The following ENPP1 variants were observed in gnomAD, a reference collection of about 807,000 sequenced individuals.
ENPP1 encodes the protein ectonucleotide pyrophosphatase/phosphodiesterase 1.
ENPP1 carries 73 observed loss-of-function variants against 122.8 expected under a neutral mutation model. The observed-to-expected ratio is 0.59, with a 90% CI of 0.49 to 0.72. The LOEUF (loss-of-function observed/expected upper bound fraction) is 0.72. ENPP1 is among the 30% of genes least tolerant of loss of function. ENPP1 has a pLI of 0.00. For synonymous variants in ENPP1, 367 were observed against 391.6 expected (o/e 0.94, Z 0.74); for missense variants, 978 against 1,128.1 (o/e 0.87, Z 1.91).
chr6:131,813,384 G>C (rs571820789), intron 1 of ENPP1, among the ~76,000 whole-genome samples: 1 of 151,962 alleles, frequency 6.6e-6, no homozygotes, highest in Non-Finnish European at 1.5e-5. Context: ...AAAAAAATTA[G>C]CAGGGCATGG....
chr6:131,848,643 C>T (rs994967737), intron 2 of ENPP1, among the ~76,000 whole-genome samples: 41 of 152,108 alleles, frequency 2.7e-4, no homozygotes, highest in Admixed American at 3.3e-4. Context: ...CAGTTACAGA[C>T]TTTAGTGTTT....
intron 1 of ENPP1, among the ~76,000 whole-genome samples, chr6:131,828,860 A>G (rs1237626385): frequency 6.6e-6 from 1 of 152,226 alleles, no homozygotes; most frequent in Non-Finnish European, 1.5e-5. Context: ...GGTGGTTTAT[A>G]TCTCCCATTT....
chr6:131,886,910 C>T (rs1455897552), intron 24 of ENPP1, among the ~76,000 whole-genome samples, 186 bp downstream of exon 24: 3 of 143,252 alleles, frequency 2.1e-5, no homozygotes, highest in Non-Finnish European at 4.5e-5. Flanking sequence ...CTACCCTTGT[C>T]TGCTTTTACT....
intron 13 of ENPP1, among the ~76,000 whole-genome samples, chr6:131,869,954 G>A (rs1782140663): frequency 6.6e-6 from 1 of 151,488 alleles, no homozygotes; most frequent in Non-Finnish European, 1.5e-5. Context: ...AATCTCCAAT[G>A]CAGAGCTTTT....
chr6:131,862,998 A>T (rs1041078217), intron 9 of ENPP1, among the ~76,000 whole-genome samples: 1 of 151,806 alleles, frequency 6.6e-6, no homozygotes, highest in African/African-American at 2.4e-5. Context: ...TCCCAAGGTT[A>T]TTTCAGCCTA....
At chr6:131,813,016 A>G (rs969251912) in intron 1 of ENPP1, among the ~76,000 whole-genome samples, 2 of 151,794 alleles carry the variant, frequency 1.3e-5, no homozygotes, top group African/African-American at 4.8e-5. Context: ...ATTTTTTTGT[A>G]TTTTAGTAGA....
At chr6:131,827,615 A>G in intron 1 of ENPP1, 1 of 597,516 alleles carries the variant, frequency 1.7e-6, no homozygotes, top group Non-Finnish European at 3.1e-6. Context: ...GATGAGCACA[A>G]AATGACTTTG....
intron 9 of ENPP1, among the ~76,000 whole-genome samples, chr6:131,861,950 C>T (rs1782028903): frequency 6.6e-6 from 1 of 151,948 alleles, no homozygotes; most frequent in Non-Finnish European, 1.5e-5. Flanking sequence ...CGAGGGGTCA[C>T]CTGAGGTCAG....
rs187385115 is a variant in ENPP1, at chr6:131,847,187, G to C, written c.241-589G>C. 2.0e-3 allele frequency among the ~76,000 whole-genome samples: 299 copies of C among 152,226 alleles called. 1 individual carries two copies. The highest frequency in any genetic ancestry group is 2.8e-3 in the Non-Finnish European group (188 of 68,014). On this transcript the variant is annotated intron_variant, in intron 1 of 24. Coordinates refer to ENST00000647893, the MANE Select transcript of ENPP1 (RefSeq NM_006208.3). ...GGTTTGTGTAGAACTGTTAAAAGAG[G>C]CATATAATATTCCACATATTGCCTT...
chr6:131,889,471 G>T (rs1782434307), intron 24 of ENPP1, among the ~76,000 whole-genome samples: 1 of 148,156 alleles, frequency 6.7e-6, no homozygotes, highest in African/African-American at 2.5e-5. Flanking sequence ...TCTTATAATT[G>T]AGAACATGAG....
chr6:131,834,708 G>A (rs1458924431), intron 1 of ENPP1, among the ~76,000 whole-genome samples: 1 of 149,788 alleles, frequency 6.7e-6, no homozygotes, highest in Admixed American at 6.6e-5. Context: ...TTTTTTTTTT[G>A]TATTTTTAGT....
At chr6:131,886,471 T>G in intron 23 of ENPP1, 91 bp from the exon 24 acceptor site, 1 of 930,634 alleles carries the variant, frequency 1.1e-6, no homozygotes, top group Non-Finnish European at 1.7e-6. Flanking sequence ...AATTTGATTT[T>G]TATATGTATT....
rs1782458034 is a variant in ENPP1 at position 131,890,685 on chromosome 6, G to A, written c.*174G>A. On this transcript the variant is annotated 3_prime_UTR_variant, in exon 25 of 25. Coordinates refer to ENST00000647893, the MANE Select transcript of ENPP1 (RefSeq NM_006208.3). ...CGTACTCAGCACAGCAGTGGAGAGT[G>A]TTCCTGTTGAATCTTGCACATATTT... is the stretch of plus-strand genomic sequence containing the variant. The A allele has an allele frequency of 3.1e-6, 2 of 637,770 alleles. No homozygotes were observed. The highest frequency in any genetic ancestry group is 2.5e-5 in the Admixed American group (1 of 39,228). 39.5% of individuals were successfully genotyped at this position (637,770 alleles called of 1,614,324 possible).
chr6:131,890,704 CA>C lies in ENPP1; in HGVS notation c.*194del. 3.3e-6 allele frequency: 2 copies of C among 614,000 alleles called. No homozygotes were observed. The highest frequency in any genetic ancestry group is 1.8e-5 in the African/African-American group (1 of 54,248). 38.0% of individuals were successfully genotyped at this position (614,000 alleles called of 1,614,324 possible). On this transcript the variant is annotated 3_prime_UTR_variant, in exon 25 of 25. Transcript: ENST00000647893. ...GAGAGTGTTCCTGTTGAATCTTGCACATATTTGAATGTGTAAGCATTGTATA... is the reference window on the plus strand; with the variant it reads ...GAGAGTGTTCCTGTTGAATCTTGCACTATTTGAATGTGTAAGCATTGTATA...
In ENPP1 at chr6:131,890,894, A is replaced by C. The variant is rs1011560862; in HGVS notation, c.*383A>C. On this transcript the variant is annotated 3_prime_UTR_variant, in exon 25 of 25. Transcript: ENST00000647893. ...GGCATTGGGCAAACAGTAGACTTAT[A>C]GTAGGGTTGGGGTAGCCCATGTTAT... 1 of 224,714 alleles carries C rather than the reference A, an allele frequency of 4.5e-6. No individual in the cohort carries two copies. The highest frequency in any genetic ancestry group is 2.3e-5 in the African/African-American group (1 of 43,622). The allele number at this position is 224,714 out of a possible 1,614,324, so 13.9% of individuals were successfully genotyped here. A position where few individuals can be genotyped will look rare whatever the true frequency, so the allele number is the denominator to read the frequency against.
At chr6:131,852,496 C>T (rs1473484120) in intron 5 of ENPP1, among the ~76,000 whole-genome samples, 2 of 152,090 alleles carry the variant, frequency 1.3e-5, no homozygotes, top group Admixed American at 6.6e-5. Context: ...TTCCTTTGAG[C>T]ATCATGTCAG....
chr6:131,808,323 G>T, intron 1 of ENPP1, 48 bp downstream of exon 1: 2 of 1,466,456 alleles, frequency 1.4e-6, no homozygotes, highest in Non-Finnish European at 1.8e-6. Flanking sequence ...GGGAGTACGG[G>T]GAGGGCGGCG....
At position 131,883,741 on chromosome 6, in the gene ENPP1, A is replaced by G. The variant is rs1722427441; in HGVS notation, c.2278A>G (p.Thr760Ala). 4 of 1,528,796 alleles carry G rather than the reference A, an allele frequency of 2.6e-6. No homozygotes were observed. The highest frequency in any genetic ancestry group is 2.7e-6 in the Non-Finnish European group (3 of 1,102,964). 94.7% of individuals were successfully genotyped at this position (1,528,796 alleles called of 1,614,324 possible). Reference sequence around the variant, plus strand: ...AATATATTCTGAAGCTTTGCTTACTACAAATATAGTGCCAATGTACCAGAG... The same window carrying G: ...AATATATTCTGAAGCTTTGCTTACTGCAAATATAGTGCCAATGTACCAGAG... The part of the protein sequence containing the change: ...SGIYSEALLT[T>A]NIVPMYQSFQ... The change falls in exon 22 of 25, where the codon ACA becomes GCA. Residue 760 changes from threonine (T) to alanine (A), a missense_variant. Thr to Ala is a moderately conservative substitution (Grantham distance 58). This residue lies in a region of ENPP1 where 644 missense variants were observed against 781.5 expected (regional missense o/e 0.82). Transcript: ENST00000647893.
intron 1 of ENPP1, among the ~76,000 whole-genome samples, chr6:131,819,267 A>G (rs1781455014): frequency 6.6e-6 from 1 of 152,242 alleles, no homozygotes; most frequent in South Asian, 2.1e-4. Context: ...AAGTTCAGTA[A>G]TACCTTTTCC....
Sources: gnomAD v4.1 joint callset for allele counts (sites outside exome capture counted in the v4.1 genomes callset) on GRCh38, gnomAD v4.1.1 for gene constraint, gnomAD v4.1.1 regional missense constraint, MANE v1.5 for transcripts, NCBI Gene and HGNC (gene_info 2026-07-23, HGNC 2026-07-21) for gene names.